The following SPIN1 variants were observed in gnomAD, a reference collection of about 807,000 sequenced individuals.
The protein encoded by SPIN1 is spindlin-1.
Under a neutral mutation model 26.0 loss-of-function variants are expected in SPIN1, and 3 were observed. The ratio of observed to expected loss-of-function variants is 0.12; its 90% CI spans 0.05 to 0.30. The LOEUF is 0.30. SPIN1 is among the 10% of genes least tolerant of loss of function. The pLI is 1.00. For missense variants in SPIN1, 126 were observed against 333.4 expected (o/e 0.38, Z 4.84); for synonymous variants, 101 against 116.5 (o/e 0.87, Z 0.86).
rs1346533480 is a variant in SPIN1 at position 88,478,531 on chromosome 9, T to TTTTTAA, written c.*3266_*3271dup. The TTTTTAA allele has an allele frequency of 6.6e-6, 1 of 152,668 alleles. No homozygotes were observed. The highest frequency in any genetic ancestry group is 2.4e-5 in the African/African-American group (1 of 41,476). 9.5% of individuals were successfully genotyped at this position (152,668 alleles called of 1,614,324 possible). Reference sequence around the variant, plus strand: ...ACCTCATCTTTCAAGCTTGAATTCATTTTTAATTTTAATTTTATTTTATAC... The same window carrying TTTTTAA: ...ACCTCATCTTTCAAGCTTGAATTCATTTTTAATTTTAATTTTAATTTTATTTTATAC... On this transcript the variant is annotated 3_prime_UTR_variant, in exon 6 of 6. Transcript: ENST00000375859.
chr9:88,451,630 GGTTCAC>G (rs2118144638), intron 3 of SPIN1, among the ~76,000 whole-genome samples: 1 of 152,236 alleles, frequency 6.6e-6, no homozygotes, highest in South Asian at 2.1e-4. Context: ...GTGCAATCTT[GGTTCAC>G]TGCAACCTCC....
chr9:88,439,012 A>C (rs537735458), intron 2 of SPIN1, among the ~76,000 whole-genome samples: 6 of 152,170 alleles, frequency 3.9e-5, no homozygotes, highest in Non-Finnish European at 5.9e-5. Flanking sequence ...ATGCTTGCTC[A>C]TTCCTAAGGA....
At chr9:88,436,331 G>A (rs554470370) in intron 2 of SPIN1, among the ~76,000 whole-genome samples, 3 of 152,220 alleles carry the variant, frequency 2.0e-5, no homozygotes, top group South Asian at 2.1e-4. Flanking sequence ...AGAGATAACG[G>A]GCTCTATTTT....
intron 3 of SPIN1, among the ~76,000 whole-genome samples, chr9:88,459,292 G>T (rs1009388824): frequency 6.6e-6 from 1 of 152,162 alleles, no homozygotes; most frequent in Non-Finnish European, 1.5e-5. Context: ...AAGGATTCTT[G>T]TATTCTAAAG....
intron 1 of SPIN1, among the ~76,000 whole-genome samples, chr9:88,394,527 C>G (rs559340751): frequency 3.9e-5 from 6 of 152,102 alleles, no homozygotes; most frequent in African/African-American, 1.4e-4. Context: ...ATCCTTTTTT[C>G]TCTAACGTTG....
At chr9:88,435,304 C>T (rs974376946) in intron 2 of SPIN1, among the ~76,000 whole-genome samples, 1 of 151,788 alleles carries the variant, frequency 6.6e-6, no homozygotes, top group Admixed American at 6.6e-5. Flanking sequence ...CAGCCTCGAC[C>T]TCCTGGACTC....
intron 2 of SPIN1, among the ~76,000 whole-genome samples, chr9:88,430,847 A>T (rs149936417): frequency 5.3e-5 from 8 of 151,618 alleles, no homozygotes; most frequent in African/African-American, 1.9e-4. Flanking sequence ...TATTTTAGCA[A>T]AGGTTGCAGT....
chr9:88,446,408 GTTT>G (rs372052401), intron 2 of SPIN1, among the ~76,000 whole-genome samples: 12 of 129,848 alleles, frequency 9.2e-5, no homozygotes, highest in Admixed American at 4.6e-4. Context: ...TTGGTTTGCT[GTTT>G]TTTTTTTTTT....
At chr9:88,463,486 A>G (rs1275015684) in intron 4 of SPIN1, among the ~76,000 whole-genome samples, 1 of 152,204 alleles carries the variant, frequency 6.6e-6, no homozygotes, top group African/African-American at 2.4e-5. Context: ...TATACCATTA[A>G]ATAATAAAGT....
chr9:88,456,852 G>C (rs1455529792), intron 3 of SPIN1, among the ~76,000 whole-genome samples: 2 of 152,128 alleles, frequency 1.3e-5, no homozygotes, highest in African/African-American at 2.4e-5. Flanking sequence ...TGATCCTAAA[G>C]AGTTCCTAGA....
intron 1 of SPIN1, among the ~76,000 whole-genome samples, chr9:88,426,095 G>C (rs1827760800): frequency 1.3e-5 from 2 of 152,106 alleles, no homozygotes; most frequent in African/African-American, 4.8e-5. Context: ...ATAATAATGG[G>C]GATGTCAGAC....
At chr9:88,473,359 C>T (rs1023711346) in intron 5 of SPIN1, among the ~76,000 whole-genome samples, 8 of 144,404 alleles carry the variant, frequency 5.5e-5, no homozygotes, top group African/African-American at 2.3e-4. Context: ...CACCACTGCA[C>T]TCCAGCCTGG....
At chr9:88,390,509 C>CT (rs908946600) in intron 1 of SPIN1, among the ~76,000 whole-genome samples, 3 of 152,134 alleles carry the variant, frequency 2.0e-5, no homozygotes, top group Non-Finnish European at 4.4e-5. Context: ...TTGCTAGCAT[C>CT]TTTTTTCTAG....
Position 88,439,934 on chromosome 9 carries a change from C to G in SPIN1, c.53-9007C>G, listed in dbSNP as rs143519969. On this transcript the variant is annotated intron_variant, in intron 2 of 5. Coordinates refer to ENST00000375859, the MANE Select transcript of SPIN1 (RefSeq NM_006717.3). ...ATGTTGTTTTTGATCCACTCTGAGT[C>G]TGTCTTAATTGGTATATTTAGATCA... 7.3e-3 allele frequency among the ~76,000 whole-genome samples: 1,112 copies of G among 152,246 alleles called. 12 individuals carry two copies. Among genetic ancestry groups the G allele is most frequent in the African/African-American group, 0.025 (1,042 of 41,550 alleles).
In SPIN1 at chr9:88,471,654, C is replaced by CAAA. The variant is rs1166469042; in HGVS notation, c.589+3072_589+3074dup. Among the ~76,000 whole-genome samples, 466 of 59,520 alleles carry CAAA rather than the reference C, an allele frequency of 7.8e-3. 29 individuals carry two copies. Among genetic ancestry groups the CAAA allele is most frequent in the South Asian group, 0.011 (10 of 922 alleles). 39.0% of individuals were successfully genotyped at this position (59,520 alleles called of 152,430 possible). A position where few individuals can be genotyped will look rare whatever the true frequency, so the allele number is the denominator to read the frequency against. Reference sequence around the variant, plus strand: ...TGGGCAACAGAGCGAGACTCTGTCTCAAAAAAAAAAAAAAAAAAAAAAAAA... The same window carrying CAAA: ...TGGGCAACAGAGCGAGACTCTGTCTCAAAAAAAAAAAAAAAAAAAAAAAAAAAA... On this transcript the variant is annotated intron_variant, in intron 5 of 5. Coordinates refer to ENST00000375859, the MANE Select transcript of SPIN1 (RefSeq NM_006717.3).
At chr9:88,403,674 G>A (rs1342395403) in intron 1 of SPIN1, among the ~76,000 whole-genome samples, 2 of 152,162 alleles carry the variant, frequency 1.3e-5, no homozygotes, top group African/African-American at 4.8e-5. Flanking sequence ...TGATCATACC[G>A]CTGCACTTAG....
chr9:88,457,965 T>C (rs1223989726), intron 3 of SPIN1: 1 of 985,274 alleles, frequency 1.0e-6, no homozygotes, highest in Non-Finnish European at 1.2e-6. Context: ...ATTAGCCAGG[T>C]AAGGTTTTAA....
intron 1 of SPIN1, among the ~76,000 whole-genome samples, chr9:88,424,722 GTTA>G (rs908653965): frequency 6.6e-6 from 1 of 152,192 alleles, no homozygotes; most frequent in African/African-American, 2.4e-5. Context: ...GATTATTGCA[GTTA>G]TTGTTGATAA....
At chr9:88,421,654 T>G (rs1827669243) in intron 1 of SPIN1, among the ~76,000 whole-genome samples, 1 of 131,146 alleles carries the variant, frequency 7.6e-6, no homozygotes, top group Admixed American at 9.3e-5. Flanking sequence ...TTATTCATTG[T>G]GTCTTATTGT....
Sources: gnomAD v4.1 joint callset for allele counts (sites outside exome capture counted in the v4.1 genomes callset) on GRCh38, gnomAD v4.1.1 for gene constraint, MANE v1.5 for transcripts, NCBI Gene and HGNC (gene_info 2026-07-23, HGNC 2026-07-21) for gene names.